DCC: variants seen among roughly 807,000 people sequenced by gnomAD.
DCC encodes netrin receptor DCC.
In DCC, 58 loss-of-function variants were observed where a neutral mutation model predicts 172.5. The observed-to-expected ratio is 0.34, with a 90% CI of 0.27 to 0.42. DCC has a LOEUF of 0.42. DCC is among the 10% of genes least tolerant of loss of function. The probability of loss-of-function intolerance (pLI) is 1.00; values close to 1 mark genes in which losing one functional copy is unlikely to be tolerated. For synonymous variants in DCC, 709 were observed against 644.5 expected (o/e 1.10, Z -1.52); for missense variants, 1,740 against 1,791.0 (o/e 0.97, Z 0.51).
At position 53,530,481 on chromosome 18, in the gene DCC, C is replaced by A. The variant is rs185541766; in HGVS notation, c.4255-83C>A. 2,274 of 827,984 alleles carry A rather than the reference C, an allele frequency of 2.7e-3. 5 individuals carry two copies. The highest frequency in any genetic ancestry group is 4.0e-3 in the Non-Finnish European group (1,859 of 463,476). 51.3% of individuals were successfully genotyped at this position (827,984 alleles called of 1,614,324 possible). A position where few individuals can be genotyped will look rare whatever the true frequency, so the allele number is the denominator to read the frequency against. On this transcript the variant is annotated intron_variant, in intron 28 of 28. Coordinates refer to ENST00000442544, the MANE Select transcript of DCC (RefSeq NM_005215.4). ...AGGTCAGACTTGGGAATACGTAGCA[C>A]CCCAACTAGCTGTGGCCCCGGCCTT...
At chr18:52,850,932 T>G (rs571369114) in intron 2 of DCC, among the ~76,000 whole-genome samples, 2 of 152,232 alleles carry the variant, frequency 1.3e-5, no homozygotes, top group African/African-American at 4.8e-5. Flanking sequence ...CTTTTTATCT[T>G]TTCTGTATTA....
intron 2 of DCC, among the ~76,000 whole-genome samples, chr18:52,766,780 A>C (rs943659832): frequency 2.6e-5 from 4 of 152,056 alleles, no homozygotes; most frequent in African/African-American, 9.7e-5. Flanking sequence ...TTTGAGCAGG[A>C]AAACAGGGAT....
intron 21 of DCC, among the ~76,000 whole-genome samples, chr18:53,427,234 T>G (rs1477520506): frequency 6.6e-6 from 1 of 152,140 alleles, no homozygotes; most frequent in East Asian, 1.9e-4. Context: ...CTTTTTAGAT[T>G]TTAATAAAGA....
At chr18:53,387,452 C>A (rs10515960) in intron 16 of DCC, among the ~76,000 whole-genome samples, 35,785 of 152,062 alleles carry the variant, frequency 0.24, 4,701 homozygotes, top group East Asian at 0.38. Context: ...GTTTATTTAT[C>A]TGTGGAGACA....
chr18:52,396,111 G>T (rs1452542370), intron 1 of DCC, among the ~76,000 whole-genome samples: 1 of 152,018 alleles, frequency 6.6e-6, no homozygotes, highest in Non-Finnish European at 1.5e-5. Flanking sequence ...CTGATGGGTT[G>T]TATGATTCCA....
At chr18:52,648,380 G>T (rs1362185904) in intron 1 of DCC, among the ~76,000 whole-genome samples, 1 of 152,212 alleles carries the variant, frequency 6.6e-6, no homozygotes, top group Non-Finnish European at 1.5e-5. Context: ...GAATCTCTTA[G>T]ATAAGACTGT....
rs576189937 is a variant in DCC, at chr18:52,489,829, C to A, written c.91+148951C>A. 3.9e-5 allele frequency among the ~76,000 whole-genome samples: 6 copies of A among 152,132 alleles called. No homozygotes were observed. In the South Asian group the frequency reaches 6.2e-4, roughly 16 times the overall value. On this transcript the variant is annotated intron_variant, in intron 1 of 28. Coordinates refer to ENST00000442544, the MANE Select transcript of DCC (RefSeq NM_005215.4). ...TTTGCTGGGTTGACAAGTCTAAGACCCGACACCACTCATCACCCTGATCTG... is the reference window on the plus strand; with the variant it reads ...TTTGCTGGGTTGACAAGTCTAAGACACGACACCACTCATCACCCTGATCTG...
chr18:52,501,795 T>C (rs1233607088), intron 1 of DCC, among the ~76,000 whole-genome samples: 1 of 152,174 alleles, frequency 6.6e-6, no homozygotes, highest in Non-Finnish European at 1.5e-5. Context: ...TATACTTTCT[T>C]CTCCTGGAGC....
chr18:53,449,352 T>C (rs2045376983), intron 22 of DCC, among the ~76,000 whole-genome samples: 1 of 152,208 alleles, frequency 6.6e-6, no homozygotes, highest in South Asian at 2.1e-4. Flanking sequence ...CATTAGTCAT[T>C]CTTATTTAGC....
At chr18:52,402,932 CA>C (rs2144380058) in intron 1 of DCC, among the ~76,000 whole-genome samples, 1 of 152,084 alleles carries the variant, frequency 6.6e-6, no homozygotes, top group East Asian at 1.9e-4. Context: ...TAAAACAGTA[CA>C]GTCAGTGTTC....
chr18:53,322,221 C>G lies in DCC; in HGVS notation c.2164+64C>G. 3.2e-6 allele frequency: 3 copies of G among 940,370 alleles called. No homozygotes were observed. The South Asian group carries it at 3.9e-5, about 12-fold the overall frequency. 58.3% of individuals were successfully genotyped at this position (940,370 alleles called of 1,614,324 possible). A position where few individuals can be genotyped will look rare whatever the true frequency, so the allele number is the denominator to read the frequency against. ...TCTTGTTATCTCAGCTTCAAAAGGT[C>G]TCTTAAAAAAGGAATGAACTCCAAC... On this transcript the variant is annotated intron_variant, in intron 14 of 28. Coordinates refer to ENST00000442544, the MANE Select transcript of DCC (RefSeq NM_005215.4).
intron 12 of DCC, among the ~76,000 whole-genome samples, chr18:53,222,327 T>A (rs2055947494): frequency 6.6e-6 from 1 of 152,014 alleles, no homozygotes; most frequent in Non-Finnish European, 1.5e-5. Flanking sequence ...AGAGCAGCCC[T>A]TCCTAAAGTC....
intron 1 of DCC, among the ~76,000 whole-genome samples, chr18:52,382,259 A>C (rs1231949263): frequency 6.6e-6 from 1 of 152,144 alleles, no homozygotes; most frequent in Non-Finnish European, 1.5e-5. Context: ...TGCTATAATA[A>C]AATTATTTAG....
chr18:53,263,147 T>C (rs961336595), intron 12 of DCC, among the ~76,000 whole-genome samples: 3 of 152,176 alleles, frequency 2.0e-5, no homozygotes, highest in Non-Finnish European at 4.4e-5. Flanking sequence ...TGAATAATTT[T>C]GTTTTGTTTT....
At chr18:52,362,460 A>G (rs1178857414) in intron 1 of DCC, among the ~76,000 whole-genome samples, 1 of 152,240 alleles carries the variant, frequency 6.6e-6, no homozygotes, top group African/African-American at 2.4e-5. Context: ...ATCGGGGATA[A>G]GTGTAGGACC....
In DCC at chr18:53,175,323, C is replaced by G. The variant is rs1324249114; in HGVS notation, c.1419-3639C>G. Among the ~76,000 whole-genome samples, 12 of 151,818 alleles carry G rather than the reference C, an allele frequency of 7.9e-5. No homozygotes were observed. The East Asian group carries it at 2.3e-3, about 29-fold the overall frequency. On this transcript the variant is annotated intron_variant, in intron 8 of 28. Coordinates refer to ENST00000442544, the MANE Select transcript of DCC (RefSeq NM_005215.4). ...TTCAACATAGTGTTGGAAGTTCTGGCCAGGGCAATTAGGCAGGAGAAGGAA... is the reference window on the plus strand; with the variant it reads ...TTCAACATAGTGTTGGAAGTTCTGGGCAGGGCAATTAGGCAGGAGAAGGAA...
At chr18:53,348,077 T>A (rs377547357) in intron 15 of DCC, among the ~76,000 whole-genome samples, 4 of 152,066 alleles carry the variant, frequency 2.6e-5, no homozygotes, top group African/African-American at 9.7e-5. Context: ...TCCCCCAAAG[T>A]CTTATTTCAG....
intron 1 of DCC, among the ~76,000 whole-genome samples, chr18:52,690,382 G>A (rs1221849862): frequency 6.6e-6 from 1 of 152,136 alleles, no homozygotes; most frequent in African/African-American, 2.4e-5. Context: ...CAGCAGAGGT[G>A]ACATTTGAGT....
chr18:52,758,701 G>A (rs187887228), intron 2 of DCC: 12 of 151,884 alleles, frequency 7.9e-5, no homozygotes, highest in Non-Finnish European at 1.3e-4. Context: ...TGAAGAGAAG[G>A]AAGAATAAAC....
Sources: allele counts gnomAD v4.1 joint callset (sites outside exome capture counted in the v4.1 genomes callset), GRCh38; gene constraint gnomAD v4.1.1; transcripts MANE v1.5; gene names NCBI Gene and HGNC (gene_info 2026-07-23, HGNC 2026-07-21).